Variants in CA10 observed in about 807,000 individuals in gnomAD.
CA10 encodes the protein carbonic anhydrase 10 (inactive).
In CA10, 14 loss-of-function variants were observed where a neutral mutation model predicts 44.2. The observed-to-expected ratio is 0.32, with a 90% CI of 0.21 to 0.50. The LOEUF (loss-of-function observed/expected upper bound fraction) is 0.50. CA10 is among the 20% of genes least tolerant of loss of function. CA10 has a pLI of 0.99. For missense variants in CA10, 350 were observed against 409.7 expected (o/e 0.85, Z 1.26); for synonymous variants, 159 against 141.6 (o/e 1.12, Z -0.87).
At chr17:51,944,576 G>A (rs1045585949) in intron 2 of CA10, among the ~76,000 whole-genome samples, 1 of 152,010 alleles carries the variant, frequency 6.6e-6, no homozygotes, top group Non-Finnish European at 1.5e-5. Flanking sequence ...TAGTAAATTA[G>A]GTATACTCAC....
chr17:52,153,482 C>T (rs565026382), intron 1 of CA10, among the ~76,000 whole-genome samples: 1 of 152,028 alleles, frequency 6.6e-6, no homozygotes, highest in Non-Finnish European at 1.5e-5. Flanking sequence ...TACATGGTTT[C>T]CAGGTAGTTT....
At chr17:51,910,157 G>A (rs942244663) in intron 3 of CA10, among the ~76,000 whole-genome samples, 8 of 152,036 alleles carry the variant, frequency 5.3e-5, no homozygotes, top group African/African-American at 1.7e-4. Flanking sequence ...CCTGGAAGGT[G>A]GGGGGAGGAG....
At chr17:52,125,585 C>T (rs1432940440) in intron 1 of CA10, among the ~76,000 whole-genome samples, 1 of 152,178 alleles carries the variant, frequency 6.6e-6, no homozygotes, top group African/African-American at 2.4e-5. Context: ...AACTCATCTG[C>T]TTGCCAAGCT....
At chr17:51,953,436 A>G (rs945249937) in intron 2 of CA10, among the ~76,000 whole-genome samples, 2 of 150,928 alleles carry the variant, frequency 1.3e-5, no homozygotes, top group African/African-American at 4.9e-5. Context: ...TCTGATAGGA[A>G]TAGTCCCTGG....
intron 4 of CA10, among the ~76,000 whole-genome samples, chr17:51,732,124 C>T (rs977908622): frequency 7.2e-5 from 11 of 152,170 alleles, no homozygotes; most frequent in Admixed American, 4.6e-4. Context: ...AATGTGCTTG[C>T]TTGAAGCTAA....
chr17:51,909,771 T>C (rs1981713522), intron 3 of CA10, among the ~76,000 whole-genome samples: 1 of 152,148 alleles, frequency 6.6e-6, no homozygotes, highest in African/African-American at 2.4e-5. Flanking sequence ...CAGTATTCAC[T>C]CTTCCGCAAT....
intron 4 of CA10, among the ~76,000 whole-genome samples, chr17:51,663,611 T>A (rs1914093365): frequency 6.6e-6 from 1 of 152,220 alleles, no homozygotes; most frequent in Non-Finnish European, 1.5e-5. Context: ...GCTGATTAAA[T>A]GAACCAAAAC....
intron 2 of CA10, among the ~76,000 whole-genome samples, chr17:52,066,885 A>G (rs1340740765): frequency 6.6e-6 from 1 of 152,224 alleles, no homozygotes; most frequent in East Asian, 1.9e-4. Context: ...TAAGCAGAAA[A>G]CCATTCAAGA....
intron 3 of CA10, among the ~76,000 whole-genome samples, chr17:51,910,866 A>T (rs903858762): frequency 6.6e-6 from 1 of 152,182 alleles, no homozygotes; most frequent in African/African-American, 2.4e-5. Context: ...AATGAATCTT[A>T]AATGTGTTTG....
intron 1 of CA10, among the ~76,000 whole-genome samples, chr17:52,154,006 G>T (rs1351035349): frequency 6.6e-6 from 1 of 152,168 alleles, no homozygotes; most frequent in African/African-American, 2.4e-5. Context: ...ATCCTAAGAT[G>T]CTAGAGGCAT....
chr17:51,768,181 T>A (rs1905461196), intron 3 of CA10, among the ~76,000 whole-genome samples: 1 of 145,996 alleles, frequency 6.8e-6, no homozygotes, highest in Non-Finnish European at 1.5e-5. Context: ...TTTTTTTTTT[T>A]CTTGTTTATC....
At chr17:51,791,445 C>T (rs571061519) in intron 3 of CA10, among the ~76,000 whole-genome samples, 2 of 152,308 alleles carry the variant, frequency 1.3e-5, no homozygotes, top group South Asian at 4.1e-4. Flanking sequence ...GGGTGTTCAA[C>T]TAATGTTTGT....
chr17:51,891,787 A>T (rs973017186), intron 3 of CA10, among the ~76,000 whole-genome samples: 1 of 152,124 alleles, frequency 6.6e-6, no homozygotes, highest in Non-Finnish European at 1.5e-5. Context: ...TTTCACTCTC[A>T]CGATGGGAAT....
intron 3 of CA10, among the ~76,000 whole-genome samples, chr17:51,903,729 A>AC (rs1221068002): frequency 2.6e-5 from 4 of 152,154 alleles, no homozygotes; most frequent in South Asian, 4.1e-4. Flanking sequence ...CAACACTTGT[A>AC]CCCCATCTAC....
intron 3 of CA10, among the ~76,000 whole-genome samples, chr17:51,821,083 C>T (rs1907773773): frequency 8.0e-6 from 1 of 124,992 alleles, no homozygotes; most frequent in African/African-American, 3.2e-5. Context: ...CTTCCTCCCT[C>T]CCTCCCTCCC....
chr17:51,694,101 G>A (rs1915316357), intron 4 of CA10, among the ~76,000 whole-genome samples: 1 of 152,038 alleles, frequency 6.6e-6, no homozygotes, highest in African/African-American at 2.4e-5. Flanking sequence ...CTACTTGGGA[G>A]GCTGAGGCAG....
At chr17:51,788,932 CTCTT>C (rs564972405) in intron 3 of CA10, among the ~76,000 whole-genome samples, 1 of 152,226 alleles carries the variant, frequency 6.6e-6, no homozygotes, top group Non-Finnish European at 1.5e-5. Context: ...AATAAATCCA[CTCTT>C]TCTTTCTTCC....
chr17:52,039,600 T>G (rs912367404), intron 2 of CA10, among the ~76,000 whole-genome samples: 1 of 152,086 alleles, frequency 6.6e-6, no homozygotes, highest in Non-Finnish European at 1.5e-5. Context: ...AAATTAAATC[T>G]CTACACATTT....
chr17:51,822,738 TG>T (rs1022633560), intron 3 of CA10, among the ~76,000 whole-genome samples: 6 of 152,214 alleles, frequency 3.9e-5, no homozygotes, highest in Non-Finnish European at 7.3e-5. Context: ...GACTTGGTCA[TG>T]GGTCCCTCTT....
Sources: allele counts gnomAD v4.1 joint callset (sites outside exome capture counted in the v4.1 genomes callset), GRCh38; gene constraint gnomAD v4.1.1; transcripts MANE v1.5; gene names NCBI Gene and HGNC (gene_info 2026-07-23, HGNC 2026-07-21).